Variants in SLC2A5 observed in about 807,000 individuals in gnomAD.
SLC2A5 encodes the protein solute carrier family 2 member 5.
In SLC2A5, 56 loss-of-function variants were observed where a neutral mutation model predicts 50.3. The ratio of observed to expected loss-of-function variants is 1.11; its 90% CI spans 0.90 to 1.39. SLC2A5 has a LOEUF of 1.39. Among genes scored for constraint, SLC2A5 ranks in the 40% most tolerant of loss-of-function variants. The pLI, the probability that SLC2A5 is intolerant of heterozygous loss-of-function variation, is 0.00. For missense variants in SLC2A5, 566 were observed against 650.1 expected, an observed-to-expected ratio of 0.87 and a Z score of 1.41; for synonymous variants, 269 against 281.9, an observed-to-expected ratio of 0.95 and a Z score of 0.46.
chr1:9,077,426 A>G (rs1195745846), intron 2 of SLC2A5, among the ~76,000 whole-genome samples: 5 of 142,486 alleles, frequency 3.5e-5, no homozygotes, highest in East Asian at 2.2e-4. Flanking sequence ...AAAAAAAAGA[A>G]CACAAAAAAA....
intron 3 of SLC2A5, among the ~76,000 whole-genome samples, chr1:9,055,417 C>T (rs1406012992): frequency 9.9e-5 from 15 of 151,126 alleles, no homozygotes; most frequent in African/African-American, 2.4e-4. Context: ...CTTGGGAGGC[C>T]GAGGCAGGAG....
chr1:9,075,364 A>G lies in SLC2A5; in HGVS notation c.-58-5770T>C, dbSNP rs571084094. 9.2e-5 allele frequency among the ~76,000 whole-genome samples: 14 copies of G among 152,270 alleles called. 1 individual carries two copies. The highest frequency in any genetic ancestry group is 3.1e-4 in the African/African-American group (13 of 41,574). The stretch of plus-strand genomic sequence containing the variant: ...AGCCGTGGCGTAATCCAACATCCCA[A>G]GAGCCATCCTATAAAATCTCCAGCA... On this transcript the variant is annotated intron_variant, in intron 2 of 5. Coordinates refer to the SLC2A5 transcript ENST00000464985.
Position 9,039,884 on chromosome 1 carries a change from CT to C in SLC2A5, c.800del (p.Lys267SerfsTer39). 1 of 1,612,750 alleles carries C rather than the reference CT, an allele frequency of 6.2e-7. No individual in the cohort carries two copies. Among genetic ancestry groups the C allele is most frequent in the East Asian group, 2.2e-5 (1 of 44,866 alleles). On this transcript the variant is annotated frameshift_variant, in exon 7 of 12. Coordinates refer to ENST00000377424, the MANE Select transcript of SLC2A5 (RefSeq NM_003039.3). LOFTEE classifies it high-confidence loss of function. The part of the protein sequence containing the change: ...EKAAGFISVL[K>X]LFRMRSLRWQ... ...AGCGCAGCGAGCGCATCCGGAACAG[CT>C]TCAGCACGGAGATGAAGCCCGCGGC...
intron 3 of SLC2A5, among the ~76,000 whole-genome samples, chr1:9,053,343 A>AT: frequency 1.6e-5 from 1 of 61,230 alleles, no homozygotes; most frequent in Non-Finnish European, 2.9e-5. Flanking sequence ...TTTATATACT[A>AT]TATATATTTA....
intron 2 of SLC2A5, among the ~76,000 whole-genome samples, chr1:9,079,840 C>T (rs915717546): frequency 6.6e-6 from 1 of 152,162 alleles, no homozygotes; most frequent in Non-Finnish European, 1.5e-5. Context: ...TTTAACTGTA[C>T]ATTTTTAAAT....
chr1:9,083,343 C>G (rs946799132), intron 2 of SLC2A5, among the ~76,000 whole-genome samples: 2 of 152,014 alleles, frequency 1.3e-5, no homozygotes, highest in African/African-American at 4.8e-5. Context: ...ACAGGGTGGT[C>G]GCAGGAGAAT....
chr1:9,081,931 A>G (rs1642357976), intron 2 of SLC2A5, among the ~76,000 whole-genome samples: 1 of 152,074 alleles, frequency 6.6e-6, no homozygotes, highest in Non-Finnish European at 1.5e-5. Flanking sequence ...AAAATACAAA[A>G]ATTAGTCAGG....
intron 2 of SLC2A5, among the ~76,000 whole-genome samples, chr1:9,077,220 T>A (rs1380237589): frequency 6.7e-6 from 1 of 149,578 alleles, no homozygotes; most frequent in African/African-American, 2.4e-5. Flanking sequence ...GCCAAAATGG[T>A]AAGATACCGT....
intron 2 of SLC2A5, among the ~76,000 whole-genome samples, chr1:9,082,006 C>G (rs544449287): frequency 1.3e-5 from 2 of 152,218 alleles, no homozygotes; most frequent in South Asian, 4.1e-4. Context: ...TGCTTGAACC[C>G]AGGAGGTGGA....
At chr1:9,082,833 G>A in intron 2 of SLC2A5, 1 of 398,666 alleles carries the variant, frequency 2.5e-6, no homozygotes, top group South Asian at 2.0e-5. Flanking sequence ...ACAGCTGTGG[G>A]CATTCTAGCA....
Position 9,058,136 on chromosome 1 carries a change from C to A in SLC2A5, c.132+16G>T. 6.3e-7 allele frequency: 1 copy of A among 1,595,026 alleles called. No individual in the cohort carries two copies. Among genetic ancestry groups the A allele is most frequent in the South Asian group, 1.1e-5 (1 of 90,646 alleles). ...CCAAACGTCCTCCCCACATCTTGCT[C>A]ACCACAGTGACCTACCAGTGCTGGG... On this transcript the variant is annotated intron_variant, in intron 2 of 11. Transcript: ENST00000377424.
At position 9,035,733 on chromosome 1, in the gene SLC2A5, A is replaced by C. The variant is rs967512660; in HGVS notation, c.*1853T>G. 1.3e-5 allele frequency: 2 copies of C among 152,192 alleles called. No homozygotes were observed. The highest frequency in any genetic ancestry group is 2.9e-5 in the Non-Finnish European group (2 of 68,070). The allele number at this position is 152,192 out of a possible 1,614,324, so 9.4% of individuals were successfully genotyped here. On this transcript the variant is annotated 3_prime_UTR_variant, in exon 12 of 12. Coordinates refer to ENST00000377424, the MANE Select transcript of SLC2A5 (RefSeq NM_003039.3). ...GTGTTAGACCATTTTCATGCTGCTGATAAAGATGTATCAGAGACTGGGTAA... is the reference window on the plus strand; with the variant it reads ...GTGTTAGACCATTTTCATGCTGCTGCTAAAGATGTATCAGAGACTGGGTAA...
At chr1:9,058,564 T>C (rs964820687) in intron 1 of SLC2A5, among the ~76,000 whole-genome samples, 4 of 152,146 alleles carry the variant, frequency 2.6e-5, no homozygotes, top group Non-Finnish European at 2.9e-5. Flanking sequence ...TCTTCCAACA[T>C]TGTTAAGTGT....
chr1:9,078,974 G>A (rs1320868646), intron 2 of SLC2A5, among the ~76,000 whole-genome samples: 1 of 152,112 alleles, frequency 6.6e-6, no homozygotes, highest in Non-Finnish European at 1.5e-5. Context: ...ATCTCGTCTG[G>A]GGAAGGGAGA....
intron 3 of SLC2A5, among the ~76,000 whole-genome samples, chr1:9,056,080 T>G (rs990673536): frequency 6.6e-6 from 1 of 152,146 alleles, no homozygotes; most frequent in Non-Finnish European, 1.5e-5. Context: ...CAGGTCTGAT[T>G]CTGACTGGAG....
chr1:9,090,237 A>T (rs576968618), upstream of SLC2A5, among the ~76,000 whole-genome samples: 6 of 152,308 alleles, frequency 3.9e-5, no homozygotes, highest in East Asian at 9.6e-4. Context: ...CCCTCCTCAG[A>T]CATTCAACAT....
chr1:9,057,893 A>G (rs936149272), intron 2 of SLC2A5, among the ~76,000 whole-genome samples: 1 of 152,018 alleles, frequency 6.6e-6, no homozygotes, highest in Non-Finnish European at 1.5e-5. Context: ...GCCCCCCCGG[A>G]TTCCCTCTAA....
At position 9,084,016 on chromosome 1, in the gene SLC2A5, C is replaced by T. The variant is rs898372423; in HGVS notation, c.-59+998G>A. ...AAAATTAGCCGGGCAAGGTGGCGGG[C>T]GCCTGTAGTCCCAGCTACGCGGGAG... On this transcript the variant is annotated intron_variant, in intron 2 of 5. Transcript: ENST00000464985. Among the ~76,000 whole-genome samples, 6 of 149,200 alleles carry T rather than the reference C, an allele frequency of 4.0e-5. No homozygotes were observed. The East Asian group carries it at 6.0e-4, about 15-fold the overall frequency.
At chr1:9,087,318 C>A (rs1298330763) in intron 1 of SLC2A5, among the ~76,000 whole-genome samples, 4 of 151,910 alleles carry the variant, frequency 2.6e-5, no homozygotes, top group Non-Finnish European at 4.4e-5. Flanking sequence ...CATTCTCCTG[C>A]CTCAGCCTCC....
Sources: gnomAD v4.1 joint callset for allele counts (sites outside exome capture counted in the v4.1 genomes callset) on GRCh38, gnomAD v4.1.1 for gene constraint, MANE v1.5 for transcripts, NCBI Gene and HGNC (gene_info 2026-07-23, HGNC 2026-07-21) for gene names.